The following BICD1 variants were observed in gnomAD, a reference collection of about 807,000 sequenced individuals.
The protein encoded by BICD1 is protein bicaudal D homolog 1.
In BICD1, 35 loss-of-function variants were observed where a neutral mutation model predicts 92.5. The observed-to-expected ratio is 0.38, with a 90% CI of 0.29 to 0.50. The LOEUF (loss-of-function observed/expected upper bound fraction) is 0.50, where lower values mean the gene tolerates loss of function less well. BICD1 is among the 20% of genes least tolerant of loss of function. BICD1 has a pLI of 0.93. For missense variants in BICD1, 950 were observed against 1,189.8 expected (o/e 0.80, Z 2.97); for synonymous variants, 429 against 465.1 (o/e 0.92, Z 1.00).
intron 1 of BICD1, among the ~76,000 whole-genome samples, chr12:32,186,972 C>T (rs772309614): frequency 3.9e-5 from 6 of 152,192 alleles, no homozygotes; most frequent in Non-Finnish European, 8.8e-5. Context: ...CCTGCTCTCT[C>T]ACTAACTGGC....
Position 32,203,545 on chromosome 12 carries a change from C to A in BICD1, c.214-12702C>A, listed in dbSNP as rs1944966308. Among the ~76,000 whole-genome samples the A allele has an allele frequency of 2.6e-5, 4 of 152,224 alleles. No homozygotes were observed. The South Asian group carries it at 8.3e-4, about 32-fold the overall frequency. On this transcript the variant is annotated intron_variant, in intron 1 of 9. Coordinates refer to ENST00000652176, the MANE Select transcript of BICD1 (RefSeq NM_001714.4). ...AGCTGAGGAACCTGGTAGTGGCCAACCCGGAGACTGATTCCTTGTCTATGA... is the reference window on the plus strand; with the variant it reads ...AGCTGAGGAACCTGGTAGTGGCCAAACCGGAGACTGATTCCTTGTCTATGA...
At chr12:32,326,570 G>T (rs1274851197) in intron 4 of BICD1, among the ~76,000 whole-genome samples, 1 of 152,158 alleles carries the variant, frequency 6.6e-6, no homozygotes, top group Non-Finnish European at 1.5e-5. Context: ...AATTCTGTAT[G>T]TATTCTTTGA....
intron 1 of BICD1, among the ~76,000 whole-genome samples, chr12:32,122,493 A>G (rs1434394270): frequency 6.6e-6 from 1 of 151,620 alleles, no homozygotes; most frequent in Non-Finnish European, 1.5e-5. Flanking sequence ...CGTTTCAAAA[A>G]AAAAAAAAAA....
At chr12:32,225,641 T>TTTTTTTTTTTTTTTTG (rs1945664708) in intron 2 of BICD1, among the ~76,000 whole-genome samples, 2 of 134,216 alleles carry the variant, frequency 1.5e-5, no homozygotes, top group South Asian at 2.3e-4. Context: ...TTTTTTTTTT[T>TTTTTTTTTTTTTTTTG]AGACGGAGTT....
rs1196705314 is a variant in BICD1 at position 32,377,906 on chromosome 12, T to A, written c.*279T>A. ...AAAAAGAAAAAAGAAACAGAAAACG[T>A]GTCTCAGATGGCTGGCTTTACCTCG... is the stretch of plus-strand genomic sequence containing the variant. On this transcript the variant is annotated 3_prime_UTR_variant, in exon 10 of 10. Transcript: ENST00000652176. 1 of 321,712 alleles carries A rather than the reference T, an allele frequency of 3.1e-6. No individual in the cohort carries two copies. The highest frequency in any genetic ancestry group is 5.8e-6 in the Non-Finnish European group (1 of 171,396). 19.9% of individuals were successfully genotyped at this position (321,712 alleles called of 1,614,324 possible).
chr12:32,381,319 T>A lies in BICD1; in HGVS notation c.*3692T>A, dbSNP rs916105851. On this transcript the variant is annotated 3_prime_UTR_variant, in exon 10 of 10. Transcript: ENST00000652176. The stretch of plus-strand genomic sequence containing the variant: ...AAAAAAACAATGTCCTCAGGAATAC[T>A]TCAGAAATAGAAGGTATGCAATCCC... 19 of 152,120 alleles carry A rather than the reference T, an allele frequency of 1.2e-4. No homozygotes were observed. The highest frequency in any genetic ancestry group is 4.6e-4 in the African/African-American group (19 of 41,456). 9.4% of individuals were successfully genotyped at this position (152,120 alleles called of 1,614,324 possible). A position where few individuals can be genotyped will look rare whatever the true frequency, so the allele number is the denominator to read the frequency against.
chr12:32,298,870 CAA>C (rs59280755), intron 3 of BICD1, among the ~76,000 whole-genome samples: 36 of 56,080 alleles, frequency 6.4e-4, no homozygotes, highest in Admixed American at 8.4e-4. Context: ...AACTCCATCT[CAA>C]AAAAAAAAAA....
At chr12:32,248,293 G>A (rs569586207) in intron 2 of BICD1, among the ~76,000 whole-genome samples, 130 of 152,270 alleles carry the variant, frequency 8.5e-4, no homozygotes, top group African/African-American at 3.1e-3. Context: ...AGGAACCAAG[G>A]TCTGATGAGA....
rs533131342 is a variant in BICD1, at chr12:32,257,324, G to A, written c.427-36670G>A. Among the ~76,000 whole-genome samples the A allele has an allele frequency of 1.5e-4, 23 of 151,866 alleles. No individual in the cohort carries two copies. The South Asian group carries it at 4.2e-3, about 28-fold the overall frequency. On this transcript the variant is annotated intron_variant, in intron 2 of 9. Coordinates refer to ENST00000652176, the MANE Select transcript of BICD1 (RefSeq NM_001714.4). Reference sequence around the variant, plus strand: ...AAAGGTTGGACATTTTGTTAGGGAAGTAAAAGCATATACATATAAAATTAT... The same window carrying A: ...AAAGGTTGGACATTTTGTTAGGGAAATAAAAGCATATACATATAAAATTAT...
chr12:32,107,919 A>C, intron 1 of BICD1: 2 of 552,212 alleles, frequency 3.6e-6, no homozygotes. Flanking sequence ...TAGTCCACAA[A>C]AGTGATGAGG....
At chr12:32,350,988 C>T (rs1040126786) in intron 8 of BICD1, among the ~76,000 whole-genome samples, 2 of 151,994 alleles carry the variant, frequency 1.3e-5, no homozygotes, top group African/African-American at 4.8e-5. Context: ...TTACTGGATC[C>T]CAGAGATTTT....
chr12:32,243,264 ATTTTTTT>A (rs71068310), intron 2 of BICD1, among the ~76,000 whole-genome samples: 2 of 74,030 alleles, frequency 2.7e-5, no homozygotes, highest in Non-Finnish European at 2.4e-5. Context: ...TGCCTGGCTA[ATTTTTTT>A]TTTTTTTTTT....
At chr12:32,297,576 C>T (rs1159444409) in intron 3 of BICD1, among the ~76,000 whole-genome samples, 2 of 152,278 alleles carry the variant, frequency 1.3e-5, no homozygotes, top group Admixed American at 1.3e-4. Flanking sequence ...GAGTAGCATT[C>T]GGTCACAAAA....
chr12:32,245,335 C>G (rs1033888195), intron 2 of BICD1, among the ~76,000 whole-genome samples: 3 of 152,098 alleles, frequency 2.0e-5, no homozygotes, highest in East Asian at 1.9e-4. Flanking sequence ...CAAGCTCCCC[C>G]TCCCAGGTTC....
intron 1 of BICD1, among the ~76,000 whole-genome samples, chr12:32,165,470 C>T (rs981935794): frequency 1.3e-5 from 2 of 151,556 alleles, no homozygotes. Context: ...GAGCCGAGAT[C>T]GAGCCACTGC....
chr12:32,322,901 G>A (rs150682062), intron 4 of BICD1, among the ~76,000 whole-genome samples: 1 of 152,144 alleles, frequency 6.6e-6, no homozygotes, highest in African/African-American at 2.4e-5. Context: ...TCCTTTTGAA[G>A]GGCGTTTTGG....
intron 1 of BICD1, among the ~76,000 whole-genome samples, chr12:32,157,687 G>A (rs999733793): frequency 1.3e-5 from 2 of 152,170 alleles, no homozygotes; most frequent in African/African-American, 4.8e-5. Context: ...CAGCATGACA[G>A]CTGGTTTCCT....
intron 4 of BICD1, 68 bp from the exon 5 acceptor site, chr12:32,327,393 G>A (rs145320294): frequency 0.031 from 46,343 of 1,518,232 alleles, 852 homozygotes; most frequent in Non-Finnish European, 0.035. Flanking sequence ...ATGCCCGACT[G>A]TGAATGGATT....
At chr12:32,205,729 T>TTTTTTTTTTTTGAGACG (rs1217150774) in intron 1 of BICD1, among the ~76,000 whole-genome samples, 1 of 147,300 alleles carries the variant, frequency 6.8e-6, no homozygotes, top group Non-Finnish European at 1.5e-5. Flanking sequence ...ATGTCAATTT[T>TTTTTTTTTTTTGAGACG]GACATATGTA....
Sources: gnomAD v4.1 joint callset for allele counts (sites outside exome capture counted in the v4.1 genomes callset) on GRCh38, gnomAD v4.1.1 for gene constraint, MANE v1.5 for transcripts, NCBI Gene and HGNC (gene_info 2026-07-23, HGNC 2026-07-21) for gene names.